ELMO1: variants seen among roughly 807,000 people sequenced by gnomAD.
ELMO1 encodes engulfment and cell motility protein 1.
In ELMO1, 26 loss-of-function variants were observed where a neutral mutation model predicts 98.9. That is an observed-to-expected ratio of 0.26 (90% CI 0.19 to 0.36). ELMO1 has a LOEUF of 0.36. Among genes scored for constraint, ELMO1 ranks in the 10% least tolerant of loss-of-function variants. The pLI is 1.00. For synonymous variants in ELMO1, 346 were observed against 346.0 expected, an observed-to-expected ratio of 1.00 and a Z score of 0.00; for missense variants, 627 against 935.2, an observed-to-expected ratio of 0.67 and a Z score of 4.30.
chr7:37,348,261 C>G (rs900102333), intron 1 of ELMO1, among the ~76,000 whole-genome samples: 1 of 152,060 alleles, frequency 6.6e-6, no homozygotes, highest in African/African-American at 2.4e-5. Flanking sequence ...GTGTAGACAG[C>G]CGGGTACAAT....
At chr7:37,115,614 A>T (rs1278652880) in intron 14 of ELMO1, among the ~76,000 whole-genome samples, 1 of 152,230 alleles carries the variant, frequency 6.6e-6, no homozygotes, top group Non-Finnish European at 1.5e-5. Context: ...CATAAAGAAC[A>T]TCTACATAAA....
chr7:37,043,736 G>A (rs891969464), intron 15 of ELMO1, among the ~76,000 whole-genome samples: 2 of 152,122 alleles, frequency 1.3e-5, no homozygotes, highest in Non-Finnish European at 2.9e-5. Context: ...CAGGCAGGAT[G>A]GAGACCAACG....
chr7:36,922,194 G>C (rs1785200308), intron 16 of ELMO1, among the ~76,000 whole-genome samples: 2 of 152,094 alleles, frequency 1.3e-5, no homozygotes, highest in Non-Finnish European at 2.9e-5. Flanking sequence ...CGCTATTTTT[G>C]AAAGCAAACC....
At chr7:36,878,867 G>A (rs1176914486) in intron 18 of ELMO1, among the ~76,000 whole-genome samples, 2 of 152,192 alleles carry the variant, frequency 1.3e-5, no homozygotes, top group African/African-American at 4.8e-5. Context: ...CTATGAGGCA[G>A]GAAGAAAGAG....
chr7:36,961,076 T>C (rs957480464), intron 16 of ELMO1, among the ~76,000 whole-genome samples: 3 of 152,208 alleles, frequency 2.0e-5, no homozygotes, highest in African/African-American at 7.2e-5. Flanking sequence ...CCAAGCACCC[T>C]GCAGTTCCTC....
At chr7:37,175,702 C>T (rs991500669) in intron 13 of ELMO1, among the ~76,000 whole-genome samples, 1 of 152,154 alleles carries the variant, frequency 6.6e-6, no homozygotes, top group African/African-American at 2.4e-5. Flanking sequence ...AAAAAATTAG[C>T]TGGGCGTGGT....
intron 3 of ELMO1, among the ~76,000 whole-genome samples, chr7:37,315,343 T>C (rs1049409744): frequency 7.9e-5 from 12 of 152,196 alleles, no homozygotes; most frequent in Admixed American, 6.5e-4. Context: ...TTGATGCAGA[T>C]TGAAACACTC....
At chr7:37,356,011 A>G (rs992447245) in intron 1 of ELMO1, among the ~76,000 whole-genome samples, 34 of 152,182 alleles carry the variant, frequency 2.2e-4, no homozygotes, top group African/African-American at 8.2e-4. Context: ...GAAAACAATC[A>G]ATACCCCAAA....
chr7:37,307,358 C>G (rs1798664877), intron 4 of ELMO1, among the ~76,000 whole-genome samples: 1 of 152,152 alleles, frequency 6.6e-6, no homozygotes, highest in Non-Finnish European at 1.5e-5. Flanking sequence ...ATAAGGGGCT[C>G]TCCCCACTTC....
chr7:37,263,443 A>G (rs984448512), intron 5 of ELMO1, among the ~76,000 whole-genome samples: 3 of 152,112 alleles, frequency 2.0e-5, no homozygotes, highest in Admixed American at 6.6e-5. Context: ...ACGGTTCTCA[A>G]CCTCCTGGGG....
rs542238546 is a variant in ELMO1, at chr7:37,359,833, G to C, written c.-73-17070C>G. Among the ~76,000 whole-genome samples the C allele has an allele frequency of 5.9e-5, 9 of 152,226 alleles. No individual in the cohort carries two copies. The South Asian group carries it at 1.0e-3, about 18-fold the overall frequency. On this transcript the variant is annotated intron_variant, in intron 1 of 21. Coordinates refer to ENST00000310758, the MANE Select transcript of ELMO1 (RefSeq NM_014800.11). The stretch of plus-strand genomic sequence containing the variant: ...TATGCACTTTTCCATTATTGATCAC[G>C]GTCACACCTTTTCACTTTGTACTTG...
At chr7:37,084,828 C>G (rs1190249164) in intron 15 of ELMO1, among the ~76,000 whole-genome samples, 1 of 150,650 alleles carries the variant, frequency 6.6e-6, no homozygotes, top group Admixed American at 6.7e-5. Context: ...ATGATGTTGG[C>G]TCACTCCAAC....
chr7:37,194,143 T>G (rs1791825625), intron 13 of ELMO1, among the ~76,000 whole-genome samples: 1 of 152,210 alleles, frequency 6.6e-6, no homozygotes, highest in Admixed American at 6.5e-5. Context: ...TCCCCTTTCA[T>G]TAAAATAGGC....
At chr7:36,958,809 T>A (rs933086273) in intron 16 of ELMO1, among the ~76,000 whole-genome samples, 8 of 152,024 alleles carry the variant, frequency 5.3e-5, no homozygotes, top group Non-Finnish European at 8.8e-5. Flanking sequence ...GCCTTGAGTT[T>A]GGCCCTTGGA....
At chr7:36,963,234 T>C (rs1382247507) in intron 16 of ELMO1, among the ~76,000 whole-genome samples, 2 of 152,014 alleles carry the variant, frequency 1.3e-5, no homozygotes, top group Non-Finnish European at 2.9e-5. Context: ...AAAAATTAGC[T>C]GGGCGTGGTG....
chr7:37,355,060 C>T (rs1187295129), intron 1 of ELMO1, among the ~76,000 whole-genome samples: 8 of 152,172 alleles, frequency 5.3e-5, no homozygotes, highest in Non-Finnish European at 1.2e-4. Context: ...GCCGCATAGC[C>T]GCCTCTCACG....
intron 13 of ELMO1, 140 bp from the exon 14 acceptor site, chr7:37,133,374 C>A: frequency 1.7e-6 from 1 of 604,064 alleles, no homozygotes; most frequent in East Asian, 3.1e-5. Flanking sequence ...TTTCTATCTC[C>A]ATGTAAACCT....
intron 1 of ELMO1, among the ~76,000 whole-genome samples, chr7:37,447,598 GTCACACACACACACACCGAC>G (rs1338004743): frequency 6.7e-6 from 1 of 150,322 alleles, no homozygotes; most frequent in Non-Finnish European, 1.5e-5. Flanking sequence ...TGGCTGTGCG[GTCACACACACACACACCGAC>G]TCACACACAC....
intron 4 of ELMO1, among the ~76,000 whole-genome samples, chr7:37,277,485 G>C (rs1446266422): frequency 6.6e-6 from 1 of 152,224 alleles, no homozygotes; most frequent in Non-Finnish European, 1.5e-5. Context: ...GATGCAGGAA[G>C]AAAAGGAAGA....
Sources: allele counts gnomAD v4.1 joint callset (sites outside exome capture counted in the v4.1 genomes callset), GRCh38; gene constraint gnomAD v4.1.1; transcripts MANE v1.5; gene names NCBI Gene and HGNC (gene_info 2026-07-23, HGNC 2026-07-21).